Variants in CNKSR2 observed in about 807,000 individuals in gnomAD.
CNKSR2 encodes CNK homolog protein 2.
A neutral mutation model predicts 84.4 loss-of-function variants in CNKSR2; 14 were observed. That is an observed-to-expected ratio of 0.17 (90% CI 0.11 to 0.26). The LOEUF is 0.26. Ranked by LOEUF, CNKSR2 falls within the 10% of genes least tolerant of loss-of-function variation. CNKSR2 has a pLI of 1.00. For synonymous variants in CNKSR2, 275 were observed against 277.9 expected (o/e 0.99, Z 0.10); for missense variants, 485 against 771.2 (o/e 0.63, Z 4.40).
At chrX:21,438,526 T>A (rs1237753352) in intron 3 of CNKSR2, among the ~76,000 whole-genome samples, 1 of 111,643 alleles carries the variant, frequency 9.0e-6, no homozygotes, top group Admixed American at 9.6e-5. Flanking sequence ...TATCTATTTT[T>A]CTTCACTAAA....
chrX:21,385,857 G>A (rs550333408), intron 1 of CNKSR2, among the ~76,000 whole-genome samples: 19 of 109,794 alleles, frequency 1.7e-4, no homozygotes, highest in Admixed American at 1.7e-3. Context: ...TGAGATGTGC[G>A]TGTGCGCGTG....
chrX:21,456,123 C>T (rs763331773), intron 4 of CNKSR2, among the ~76,000 whole-genome samples: 2 of 111,574 alleles, frequency 1.8e-5, no homozygotes, highest in Non-Finnish European at 3.8e-5. Flanking sequence ...CAACATGATG[C>T]TTTGATGTAT....
rs142941251 is a variant in CNKSR2 at position 21,573,497 on chromosome X, G to A, written c.1608+10045G>A. On this transcript the variant is annotated intron_variant, in intron 13 of 21. Coordinates refer to ENST00000379510, the MANE Select transcript of CNKSR2 (RefSeq NM_014927.5). Reference sequence around the variant, plus strand: ...CAGCAAACTTCTGCCTAGACACCCAGGCATTTCCATACATCCTCTGAAATA... The same window carrying A: ...CAGCAAACTTCTGCCTAGACACCCAAGCATTTCCATACATCCTCTGAAATA... Among the ~76,000 whole-genome samples the A allele has an allele frequency of 6.2e-5, 7 of 112,460 alleles. No individual in the cohort carries two copies. The East Asian group carries it at 2.0e-3, about 32-fold the overall frequency.
chrX:21,630,773 A>T (rs926024028), intron 20 of CNKSR2, among the ~76,000 whole-genome samples: 4 of 111,482 alleles, frequency 3.6e-5, no homozygotes, highest in Non-Finnish European at 5.6e-5. Context: ...TTATTACAGC[A>T]GCACCATTAA....
chrX:21,481,797 C>A (rs1442591120), intron 5 of CNKSR2, among the ~76,000 whole-genome samples: 1 of 111,726 alleles, frequency 9.0e-6, no homozygotes, highest in African/African-American at 3.3e-5. Flanking sequence ...GACCTGAGGA[C>A]AGCCTCTGGG....
chrX:21,463,762 A>G (rs1343656668), intron 4 of CNKSR2, among the ~76,000 whole-genome samples: 1 of 110,961 alleles, frequency 9.0e-6, no homozygotes, highest in African/African-American at 3.3e-5. Flanking sequence ...TAGGGCCTGG[A>G]AAGGGGGCCT....
intron 1 of CNKSR2, chrX:21,423,758 ACT>A (rs1427061384): frequency 9.0e-6 from 1 of 111,251 alleles, no homozygotes; most frequent in Non-Finnish European, 1.9e-5. Flanking sequence ...CCATCTGGGT[ACT>A]CTACACAGTA....
intron 4 of CNKSR2, among the ~76,000 whole-genome samples, chrX:21,463,952 C>T (rs1317909746): frequency 1.8e-5 from 2 of 111,855 alleles, no homozygotes. Flanking sequence ...CTTAGCCATC[C>T]CAGCTGGTAT....
intron 8 of CNKSR2, chrX:21,505,372 A>G (rs1049289060): frequency 6.3e-5 from 7 of 111,641 alleles, no homozygotes; most frequent in African/African-American, 2.3e-4. Context: ...TATAAAGGAT[A>G]CTGGAATGGA....
chrX:21,553,034 T>C (rs766572465), intron 11 of CNKSR2, among the ~76,000 whole-genome samples: 1 of 112,080 alleles, frequency 8.9e-6, no homozygotes, highest in African/African-American at 3.2e-5. Flanking sequence ...TTGCCATCAT[T>C]GTTAAGGTAT....
intron 4 of CNKSR2, among the ~76,000 whole-genome samples, chrX:21,452,579 G>A (rs1452583978): frequency 2.7e-5 from 3 of 110,631 alleles, no homozygotes; most frequent in South Asian, 7.5e-4. Context: ...TTATTGGGGC[G>A]TTAGTTTTTC....
intron 11 of CNKSR2, among the ~76,000 whole-genome samples, chrX:21,557,876 T>C (rs1338886690): frequency 2.7e-5 from 3 of 111,787 alleles, no homozygotes; most frequent in Non-Finnish European, 3.8e-5. Flanking sequence ...TATGTTCATT[T>C]ACACAGGAAT....
chrX:21,565,863 G>T (rs775780371), intron 13 of CNKSR2, among the ~76,000 whole-genome samples: 4 of 111,486 alleles, frequency 3.6e-5, no homozygotes, highest in African/African-American at 1.3e-4. Flanking sequence ...TAGCAAGGAA[G>T]TTTCCACATT....
At chrX:21,601,985 CACAGATTGACATACTTATAA>C (rs1183294622) in intron 18 of CNKSR2, among the ~76,000 whole-genome samples, 6 of 112,044 alleles carry the variant, frequency 5.4e-5, no homozygotes, top group African/African-American at 9.7e-5. Context: ...TAAAAGAATC[CACAGATTGACATACTTATAA>C]ACACAAACCT....
intron 5 of CNKSR2, among the ~76,000 whole-genome samples, chrX:21,479,664 A>C (rs1242389257): frequency 9.0e-6 from 1 of 110,923 alleles, no homozygotes; most frequent in Non-Finnish European, 1.9e-5. Flanking sequence ...CCAAGGAAGG[A>C]TATCTTTTAA....
At chrX:21,392,403 G>A (rs1001712023) in intron 1 of CNKSR2, among the ~76,000 whole-genome samples, 13 of 112,308 alleles carry the variant, frequency 1.2e-4, no homozygotes, top group Non-Finnish European at 2.4e-4. Flanking sequence ...AGGCTGTACA[G>A]GAAGCATTGC....
At chrX:21,412,381 A>G (rs1462341568) in intron 1 of CNKSR2, among the ~76,000 whole-genome samples, 1 of 112,400 alleles carries the variant, frequency 8.9e-6, no homozygotes, top group African/African-American at 3.2e-5. Context: ...TTTAAAATTC[A>G]TCTAGATGTC....
chrX:21,606,804 A>T lies in CNKSR2; in HGVS notation c.2070A>T (p.Glu690Asp). Residue 690 changes from glutamate (E) to aspartate (D), a missense_variant, in exon 19 of 22, where the codon GAA (glutamate) becomes GAT (aspartate). This residue lies in a region of CNKSR2 where 210 missense variants were observed against 291.5 expected (regional missense o/e 0.72). Transcript: ENST00000379510. ...ATTACTGGAGTGAGAGTGACAAGGA[A>T]GAAGCAGATACTCCATCAACACCAA... ...EQDYWSESDK[E>D]EADTPSTPKQ... 8.3e-7 allele frequency: 1 copy of T among 1,198,537 alleles called. No homozygotes were observed. The highest frequency in any genetic ancestry group is 1.1e-6 in the Non-Finnish European group (1 of 884,768).
intron 8 of CNKSR2, among the ~76,000 whole-genome samples, chrX:21,515,054 T>C (rs1315547117): frequency 9.0e-6 from 1 of 110,498 alleles, no homozygotes; most frequent in Non-Finnish European, 1.9e-5. Flanking sequence ...AAAAAAAAAC[T>C]GGCAGTCTCA....
Sources: allele counts gnomAD v4.1 joint callset (sites outside exome capture counted in the v4.1 genomes callset), GRCh38; gene constraint gnomAD v4.1.1; regional missense constraint gnomAD v4.1.1; transcripts MANE v1.5; gene names NCBI Gene and HGNC (gene_info 2026-07-23, HGNC 2026-07-21).